FGGY: variants seen among roughly 807,000 people sequenced by gnomAD.
FGGY encodes the protein FGGY carbohydrate kinase domain-containing protein.
In FGGY, 72 loss-of-function variants were observed where a neutral mutation model predicts 71.3. That is an observed-to-expected ratio of 1.01 (90% CI 0.84 to 1.23). FGGY has a LOEUF of 1.23. Among genes scored for constraint, FGGY ranks in the 50% most tolerant of loss-of-function variants. The pLI is 0.00. For missense variants in FGGY, 668 were observed against 682.3 expected, an observed-to-expected ratio of 0.98 and a Z score of 0.23; for synonymous variants, 251 against 250.3, an observed-to-expected ratio of 1.00 and a Z score of -0.02.
chr1:59,729,227 T>C (rs9436601), intron 14 of FGGY, among the ~76,000 whole-genome samples: 35,134 of 151,732 alleles, frequency 0.23, 4,318 homozygotes, highest in East Asian at 0.37. Flanking sequence ...AGGATTTCTT[T>C]TAGATACTTT....
At chr1:59,337,869 G>C (rs2049907031) in intron 2 of FGGY, among the ~76,000 whole-genome samples, 1 of 151,978 alleles carries the variant, frequency 6.6e-6, no homozygotes, top group South Asian at 2.1e-4. Flanking sequence ...TCACTTTATT[G>C]CAATGGCTAG....
intron 14 of FGGY, among the ~76,000 whole-genome samples, chr1:59,750,907 TA>T (rs11437779): frequency 0.013 from 1,849 of 146,266 alleles, 27 homozygotes; most frequent in African/African-American, 0.032. Context: ...TCAGCATCTG[TA>T]AAAAAAAAAA....
intron 14 of FGGY, among the ~76,000 whole-genome samples, chr1:59,748,277 AATTTCAGATGATG>A (rs1224189581): frequency 1.3e-5 from 2 of 152,142 alleles, no homozygotes; most frequent in African/African-American, 4.8e-5. Flanking sequence ...TTAAAAATAT[AATTTCAGATGATG>A]ATGTGCTATC....
intron 8 of FGGY, among the ~76,000 whole-genome samples, chr1:59,581,819 T>A (rs779451439): frequency 1.3e-5 from 2 of 150,156 alleles, no homozygotes; most frequent in Non-Finnish European, 2.9e-5. Flanking sequence ...TGTCTTTGAA[T>A]GTAACCCATG....
intron 5 of FGGY, among the ~76,000 whole-genome samples, chr1:59,398,403 T>C (rs142495940): frequency 0.033 from 4,962 of 152,244 alleles, 108 homozygotes; most frequent in South Asian, 0.073. Context: ...CACGCCTGGC[T>C]AATTTTTGTA....
chr1:59,539,628 A>C (rs78205456), intron 7 of FGGY, among the ~76,000 whole-genome samples: 2,887 of 152,270 alleles, frequency 0.019, 84 homozygotes, highest in African/African-American at 0.066. Context: ...TAAAAACTTA[A>C]GTATGAAATT....
At chr1:59,358,227 A>T (rs944627845) in intron 4 of FGGY, among the ~76,000 whole-genome samples, 3 of 152,184 alleles carry the variant, frequency 2.0e-5, no homozygotes, top group Non-Finnish European at 4.4e-5. Context: ...ATTCTTTTGG[A>T]GGAGTAAGTA....
At chr1:59,641,139 G>A in intron 11 of FGGY, 1 of 622,000 alleles carries the variant, frequency 1.6e-6, no homozygotes. Flanking sequence ...ATCATAGTAT[G>A]TGCAGTATTC....
intron 2 of FGGY, among the ~76,000 whole-genome samples, chr1:59,330,748 G>A (rs1337075376): frequency 6.6e-6 from 1 of 152,096 alleles, no homozygotes; most frequent in Non-Finnish European, 1.5e-5. Flanking sequence ...TCGAATCCTA[G>A]CTGTAATAGG....
chr1:59,580,384 AC>A (rs1012109435), intron 8 of FGGY, among the ~76,000 whole-genome samples: 1 of 151,228 alleles, frequency 6.6e-6, no homozygotes, highest in Admixed American at 6.6e-5. Flanking sequence ...GCTTCCCTTT[AC>A]CCCCCGCCTT....
chr1:59,347,099 A>ATT (rs1417199562), intron 4 of FGGY, among the ~76,000 whole-genome samples: 9 of 4,602 alleles, frequency 2.0e-3, no homozygotes, highest in South Asian at 0.013. Flanking sequence ...TTTTTCGGTT[A>ATT]TTCTTTATTA....
intron 4 of FGGY, 92 bp from the exon 5 acceptor site, chr1:59,378,657 A>G (rs922983415): frequency 9.1e-7 from 1 of 1,100,422 alleles, no homozygotes; most frequent in Non-Finnish European, 1.3e-6. Flanking sequence ...ATTGTTGGCT[A>G]TGCTTTTGTT....
intron 7 of FGGY, among the ~76,000 whole-genome samples, chr1:59,527,058 A>G (rs1286166584): frequency 6.6e-6 from 1 of 152,254 alleles, no homozygotes; most frequent in African/African-American, 2.4e-5. Context: ...AAGCAAACCT[A>G]TCTGTTCAAA....
At chr1:59,528,959 G>A (rs2095065923) in intron 7 of FGGY, among the ~76,000 whole-genome samples, 1 of 152,132 alleles carries the variant, frequency 6.6e-6, no homozygotes, top group African/African-American at 2.4e-5. Context: ...AATGTAACAT[G>A]CAGACAATAA....
intron 8 of FGGY, among the ~76,000 whole-genome samples, chr1:59,561,264 G>A (rs1349041727): frequency 2.0e-5 from 3 of 152,316 alleles, no homozygotes; most frequent in African/African-American, 7.2e-5. Context: ...CTCAGAAGGT[G>A]CCTCGCTTCC....
chr1:59,411,831 T>A (rs1358799394), intron 5 of FGGY, among the ~76,000 whole-genome samples: 4 of 152,154 alleles, frequency 2.6e-5, no homozygotes, highest in East Asian at 1.9e-4. Flanking sequence ...CCATCTTTTT[T>A]AAGGCATTTT....
intron 4 of FGGY, among the ~76,000 whole-genome samples, chr1:59,350,126 C>G (rs1273078359): frequency 6.6e-6 from 1 of 152,104 alleles, no homozygotes; most frequent in Non-Finnish European, 1.5e-5. Context: ...GCATGAGATT[C>G]TGTGTTCTAA....
At chr1:59,536,727 A>G (rs1429146603) in intron 7 of FGGY, among the ~76,000 whole-genome samples, 1 of 152,244 alleles carries the variant, frequency 6.6e-6, no homozygotes, top group Non-Finnish European at 1.5e-5. Flanking sequence ...ATAATCCAGC[A>G]TATACAGAAC....
chr1:59,418,821 C>T (rs956927066), intron 5 of FGGY, among the ~76,000 whole-genome samples: 4 of 151,958 alleles, frequency 2.6e-5, no homozygotes, highest in Non-Finnish European at 4.4e-5. Flanking sequence ...CAACTTTGTC[C>T]TTATAGTGAA....
Sources: gnomAD v4.1 joint callset for allele counts (sites outside exome capture counted in the v4.1 genomes callset) on GRCh38, gnomAD v4.1.1 for gene constraint, MANE v1.5 for transcripts, NCBI Gene and HGNC (gene_info 2026-07-23, HGNC 2026-07-21) for gene names.